The following KIF5C variants were observed in gnomAD, a reference collection of about 807,000 sequenced individuals.
KIF5C encodes the protein kinesin family member 5C, also known as kinesin heavy chain isoform 5C.
KIF5C carries 18 observed loss-of-function variants against 125.2 expected under a neutral mutation model. That is an observed-to-expected ratio of 0.14 (90% CI 0.10 to 0.21). KIF5C has a LOEUF of 0.21. KIF5C is among the 10% of genes least tolerant of loss of function. KIF5C has a pLI of 1.00. For missense variants in KIF5C, 780 were observed against 1,183.8 expected, an observed-to-expected ratio of 0.66 and a Z score of 5.01; for synonymous variants, 405 against 434.0, an observed-to-expected ratio of 0.93 and a Z score of 0.83.
Position 148,876,422 on chromosome 2 carries a change from C to G in KIF5C, c.126+679C>G, listed in dbSNP as rs1387301876. ...GATGTGGAGTCCCGGCTTGATCCCTCCCCTCTGGGATGACCTCCCTCCCAT... is the reference window on the plus strand; with the variant it reads ...GATGTGGAGTCCCGGCTTGATCCCTGCCCTCTGGGATGACCTCCCTCCCAT... On this transcript the variant is annotated intron_variant, in intron 1 of 25. Transcript: ENST00000435030. This position sits in a 1 kb window ranked among gnomAD's most constrained non-coding sequence, Gnocchi z 4.7. Among the ~76,000 whole-genome samples the G allele has an allele frequency of 6.6e-6, 1 of 152,146 alleles. No homozygotes were observed. The highest frequency in any genetic ancestry group is 2.4e-5 in the African/African-American group (1 of 41,458).
chr2:148,919,074 CTCT>C (rs2105077970), intron 1 of KIF5C, among the ~76,000 whole-genome samples: 2 of 152,242 alleles, frequency 1.3e-5, no homozygotes, highest in East Asian at 3.9e-4. Flanking sequence ...GGCTTGATGG[CTCT>C]TTTTTGGTCA....
chr2:148,959,284 A>C (rs1400670882), intron 10 of KIF5C, among the ~76,000 whole-genome samples: 3 of 151,500 alleles, frequency 2.0e-5, no homozygotes, highest in Non-Finnish European at 4.4e-5. Context: ...CAATTTGATC[A>C]GTTTTACTTT....
At chr2:148,913,676 G>A (rs915802314) in intron 1 of KIF5C, among the ~76,000 whole-genome samples, 6 of 152,314 alleles carry the variant, frequency 3.9e-5, no homozygotes, top group African/African-American at 1.4e-4. Context: ...GAGACTCAGC[G>A]TAACTGGGAG....
At chr2:149,011,007 T>TC (rs1409499601) in intron 24 of KIF5C, among the ~76,000 whole-genome samples, 50 of 152,284 alleles carry the variant, frequency 3.3e-4, no homozygotes, top group African/African-American at 1.2e-3. Flanking sequence ...CTTCTCCTTT[T>TC]TTTTTTTTTT....
At chr2:148,903,454 C>T (rs568440348) in intron 1 of KIF5C, among the ~76,000 whole-genome samples, 1 of 152,288 alleles carries the variant, frequency 6.6e-6, no homozygotes, top group South Asian at 2.1e-4. Context: ...ACATTGGAGA[C>T]ACCCTTTAAC....
At position 148,924,176 on chromosome 2, in the gene KIF5C, G is replaced by C. The variant is rs1681899924; in HGVS notation, c.217+1949G>C. On this transcript the variant is annotated intron_variant, in intron 2 of 25. Coordinates refer to ENST00000435030, the MANE Select transcript of KIF5C (RefSeq NM_004522.3). This position sits in a 1 kb window ranked among gnomAD's most constrained non-coding sequence, Gnocchi z 4.0. ...TTCAGAATCAGTAAGCTAAAACATAGAGGTACAAGAAAGAACTCCTTGGAA... is the reference window on the plus strand; with the variant it reads ...TTCAGAATCAGTAAGCTAAAACATACAGGTACAAGAAAGAACTCCTTGGAA... Among the ~76,000 whole-genome samples, 1 of 152,190 alleles carries C rather than the reference G, an allele frequency of 6.6e-6. No individual in the cohort carries two copies. Among genetic ancestry groups the C allele is most frequent in the Admixed American group, 6.5e-5 (1 of 15,286 alleles).
intron 1 of KIF5C, among the ~76,000 whole-genome samples, chr2:148,907,843 CGACCCGGGACA>C (rs1259296781): frequency 6.6e-6 from 1 of 152,158 alleles, no homozygotes; most frequent in Non-Finnish European, 1.5e-5. Context: ...AAGTGGTTAG[CGACCCGGGACA>C]TACCCGGGAC....
chr2:148,923,997 C>G (rs536313616), intron 2 of KIF5C, among the ~76,000 whole-genome samples: 3 of 152,118 alleles, frequency 2.0e-5, no homozygotes, highest in Non-Finnish European at 4.4e-5. Context: ...TAAAATCAGG[C>G]GCTGACATGA....
chr2:148,934,983 T>C (rs796483049), intron 3 of KIF5C: 1 of 306,180 alleles, frequency 3.3e-6, no homozygotes, highest in Non-Finnish European at 6.5e-6. Context: ...CCCAGTTTGC[T>C]GCACATAAAG....
At position 148,942,452 on chromosome 2, in the gene KIF5C, GTTC is replaced by G. The variant is rs878872738; in HGVS notation, c.502-218_502-216del. ...CTCAAAAACCTAGGAAAATTTGACA[GTTC>G]TTTTTTTGGTTTACGTCTATATTTC... On this transcript the variant is annotated intron_variant, in intron 6 of 25. Coordinates refer to ENST00000435030, the MANE Select transcript of KIF5C (RefSeq NM_004522.3). Among the ~76,000 whole-genome samples the G allele has an allele frequency of 2.0e-5, 3 of 152,240 alleles. No homozygotes were observed. The South Asian group carries it at 6.2e-4, about 32-fold the overall frequency.
At chr2:148,995,819 C>A (rs1030965135) in intron 17 of KIF5C, among the ~76,000 whole-genome samples, 5 of 152,142 alleles carry the variant, frequency 3.3e-5, no homozygotes, top group African/African-American at 4.8e-5. Context: ...AGGTGAAAAT[C>A]ACAATATATC....
chr2:148,951,880 T>C (rs932445956), intron 10 of KIF5C, among the ~76,000 whole-genome samples: 6 of 152,212 alleles, frequency 3.9e-5, no homozygotes, highest in African/African-American at 1.2e-4. Flanking sequence ...GAAATTGTTA[T>C]GGCTTGTTTA....
At position 148,875,810 on chromosome 2, in the gene KIF5C, A is replaced by T. The variant is rs934716475; in HGVS notation, c.126+67A>T. The T allele has an allele frequency of 5.8e-6, 9 of 1,544,854 alleles. No homozygotes were observed. In the Admixed American group the frequency reaches 9.8e-5, roughly 17 times the overall value. ...GCAGCTGGGCGCCCCGACGCCCCAG[A>T]CGCAGCGGAGGTGTTTAGGCCGCCC... On this transcript the variant is annotated intron_variant, in intron 1 of 25. Transcript: ENST00000435030.
chr2:148,907,181 G>GT (rs1681144509), intron 1 of KIF5C, among the ~76,000 whole-genome samples: 1 of 151,676 alleles, frequency 6.6e-6, no homozygotes, highest in South Asian at 2.1e-4. Flanking sequence ...CTTTGCTGCT[G>GT]TCCTGTGAAG....
chr2:148,956,643 G>A (rs1304060069), intron 10 of KIF5C, among the ~76,000 whole-genome samples: 2 of 152,182 alleles, frequency 1.3e-5, no homozygotes, highest in African/African-American at 4.8e-5. Context: ...CCCTGATAAT[G>A]GCATCCTCAC....
intron 21 of KIF5C, among the ~76,000 whole-genome samples, chr2:149,003,177 T>C (rs1681908773): frequency 6.6e-6 from 1 of 152,232 alleles, no homozygotes; most frequent in African/African-American, 2.4e-5. Context: ...TCACTCAGCC[T>C]TGGAATCCTC....
At chr2:148,875,865 CG>C in intron 1 of KIF5C, 122 bp downstream of exon 1, 2 of 1,276,042 alleles carry the variant, frequency 1.6e-6, no homozygotes, top group Non-Finnish European at 2.1e-6. Context: ...GCTGGCCTCT[CG>C]GGTGGACCTG....
chr2:148,953,233 G>A (rs753684638), intron 10 of KIF5C, among the ~76,000 whole-genome samples: 11 of 152,210 alleles, frequency 7.2e-5, no homozygotes, highest in Admixed American at 2.0e-4. Context: ...TCAAATGAAT[G>A]AACAGATGAA....
intron 1 of KIF5C, among the ~76,000 whole-genome samples, chr2:148,895,512 T>TGA (rs1681816088): frequency 6.6e-6 from 1 of 152,140 alleles, no homozygotes; most frequent in Non-Finnish European, 1.5e-5. Flanking sequence ...TACTTTTTTT[T>TGA]TTATCTTGAA....
Sources: gnomAD v4.1 joint callset for allele counts (sites outside exome capture counted in the v4.1 genomes callset) on GRCh38, gnomAD v4.1.1 for gene constraint, Gnocchi (gnomAD v3.1) non-coding constraint, MANE v1.5 for transcripts, NCBI Gene and HGNC (gene_info 2026-07-23, HGNC 2026-07-21) for gene names.